Variants in BCKDHB observed in about 807,000 individuals in gnomAD.
BCKDHB encodes 2-oxoisovalerate dehydrogenase subunit beta, mitochondrial.
In BCKDHB, 41 loss-of-function variants were observed where a neutral mutation model predicts 48.5. That is an observed-to-expected ratio of 0.85 (90% CI 0.66 to 1.10). The LOEUF (loss-of-function observed/expected upper bound fraction) is 1.10, where lower values mean the gene tolerates loss of function less well. Ranked by LOEUF, BCKDHB falls within the 50% of genes least tolerant of loss-of-function variation. The probability of loss-of-function intolerance (pLI) is 0.00; values close to 1 mark genes in which losing one functional copy is unlikely to be tolerated. For missense variants in BCKDHB, 496 were observed against 494.2 expected, an observed-to-expected ratio of 1.00 and a Z score of -0.03; for synonymous variants, 201 against 174.8, an observed-to-expected ratio of 1.15 and a Z score of -1.18.
intron 9 of BCKDHB, among the ~76,000 whole-genome samples, chr6:80,294,181 G>C (rs187439323): frequency 1.1e-4 from 16 of 152,098 alleles, no homozygotes; most frequent in African/African-American, 3.6e-4. Context: ...CTGGAGCTGC[G>C]GCAGAGGAAC....
the BCKDHB span, among the ~76,000 whole-genome samples, chr6:80,401,113 A>G: frequency 6.8e-6 from 1 of 147,080 alleles, no homozygotes. Flanking sequence ...GTCAATGGAT[A>G]CTAGAATTAG....
At chr6:80,194,702 A>G (rs1200756395) in intron 6 of BCKDHB, among the ~76,000 whole-genome samples, 2 of 152,218 alleles carry the variant, frequency 1.3e-5, no homozygotes, top group Non-Finnish European at 2.9e-5. Context: ...TCAGTGCATC[A>G]TATGAGATGA....
intron 8 of BCKDHB, among the ~76,000 whole-genome samples, chr6:80,249,083 A>G (rs1261357811): frequency 6.6e-6 from 1 of 151,896 alleles, no homozygotes; most frequent in African/African-American, 2.4e-5. Context: ...ATGAATTTAT[A>G]GTTTGTTTAT....
At position 80,283,981 on chromosome 6, in the gene BCKDHB, G is replaced by A. The variant is rs116602199; in HGVS notation, c.1038+10760G>A. ...AAGAAATGTTAGCCATGTTTTGTCA[G>A]CATTGTATTCACAATCAGTAACAGG... On this transcript the variant is annotated intron_variant, in intron 9 of 9. Coordinates refer to ENST00000320393, the MANE Select transcript of BCKDHB (RefSeq NM_183050.4). Among the ~76,000 whole-genome samples the A allele has an allele frequency of 2.9e-3, 449 of 152,214 alleles. 1 individual carries two copies. The highest frequency in any genetic ancestry group is 0.01 in the African/African-American group (434 of 41,546).
At chr6:80,159,391 T>G (rs904398754) in intron 3 of BCKDHB, among the ~76,000 whole-genome samples, 2 of 152,212 alleles carry the variant, frequency 1.3e-5, no homozygotes, top group African/African-American at 4.8e-5. Flanking sequence ...TTATTTTTAG[T>G]AACTCCTCAC....
the BCKDHB span, among the ~76,000 whole-genome samples, chr6:80,395,266 G>T: frequency 6.6e-6 from 1 of 152,140 alleles, no homozygotes; most frequent in Non-Finnish European, 1.5e-5. Flanking sequence ...AAAGTTTGGA[G>T]CTTCCTAAAG....
intron 7 of BCKDHB, among the ~76,000 whole-genome samples, chr6:80,201,915 C>T (rs1320320379): frequency 2.6e-5 from 4 of 152,114 alleles, no homozygotes; most frequent in African/African-American, 9.7e-5. Context: ...ATCACAAGCT[C>T]CTACTCTCCT....
chr6:80,452,602 A>G, the BCKDHB span, among the ~76,000 whole-genome samples: 1 of 152,328 alleles, frequency 6.6e-6, no homozygotes, highest in Middle Eastern at 3.4e-3. Flanking sequence ...TGTGTGTGTG[A>G]CAGTTTAACT....
intron 9 of BCKDHB, among the ~76,000 whole-genome samples, chr6:80,301,408 A>C (rs983265543): frequency 6.6e-6 from 1 of 152,176 alleles, no homozygotes; most frequent in Non-Finnish European, 1.5e-5. Flanking sequence ...AATTCTGTGC[A>C]CACAAACTAG....
chr6:80,436,147 CTTTT>C, the BCKDHB span, among the ~76,000 whole-genome samples: 1,275 of 70,100 alleles, frequency 0.018, 10 homozygotes, highest in African/African-American at 0.057. Flanking sequence ...AAATTCTTTT[CTTTT>C]TTTTTTTTTT....
chr6:80,433,510 C>T, the BCKDHB span, among the ~76,000 whole-genome samples: 4 of 152,298 alleles, frequency 2.6e-5, no homozygotes, highest in East Asian at 1.9e-4. Flanking sequence ...CCCCTCCCCG[C>T]GCCAAGCTTA....
chr6:80,384,505 C>T, the BCKDHB span, among the ~76,000 whole-genome samples: 1 of 151,978 alleles, frequency 6.6e-6, no homozygotes, highest in Non-Finnish European at 1.5e-5. Context: ...ACTACAGGCC[C>T]CTGCCACAAT....
chr6:80,175,600 C>T (rs1451727839), intron 6 of BCKDHB, among the ~76,000 whole-genome samples: 1 of 152,064 alleles, frequency 6.6e-6, no homozygotes, highest in Non-Finnish European at 1.5e-5. Flanking sequence ...ATTGCAGTGC[C>T]CTTTAAACGA....
chr6:80,125,721 A>G (rs1220978739), intron 1 of BCKDHB, among the ~76,000 whole-genome samples: 1 of 152,156 alleles, frequency 6.6e-6, no homozygotes, highest in Non-Finnish European at 1.5e-5. Flanking sequence ...AACACATACA[A>G]CATTTATTGA....
At chr6:80,307,933 C>G in intron 9 of BCKDHB, 9 of 967,718 alleles carry the variant, frequency 9.3e-6, no homozygotes, top group Non-Finnish European at 1.1e-5. Context: ...GGCTACTTTA[C>G]ATTTTATTCA....
At chr6:80,334,656 AATTTTAGTAAAAACATTG>A (rs1769480049) in intron 9 of BCKDHB, among the ~76,000 whole-genome samples, 1 of 151,490 alleles carries the variant, frequency 6.6e-6, no homozygotes, top group Non-Finnish European at 1.5e-5. Context: ...AAAAAAGTTT[AATTTTAGTAAAAACATTG>A]GTACATCTCT....
chr6:80,337,300 C>A (rs140327461), intron 9 of BCKDHB, among the ~76,000 whole-genome samples: 7 of 152,196 alleles, frequency 4.6e-5, no homozygotes, highest in Admixed American at 2.6e-4. Context: ...TGTGAGTTCA[C>A]GGACTTCAAA....
chr6:80,438,862 G>A, the BCKDHB span, among the ~76,000 whole-genome samples: 11,898 of 152,234 alleles, frequency 0.078, 598 homozygotes, highest in Non-Finnish European at 0.11. Context: ...GCAGAAATGA[G>A]TGTCTTTCTT....
chr6:80,258,472 C>G (rs112076948), intron 8 of BCKDHB, among the ~76,000 whole-genome samples: 35 of 152,244 alleles, frequency 2.3e-4, no homozygotes, highest in African/African-American at 8.0e-4. Context: ...CTTTTCATCA[C>G]TGGCCTGTAG....
Sources: gnomAD v4.1 joint callset for allele counts (sites outside exome capture counted in the v4.1 genomes callset) on GRCh38, gnomAD v4.1.1 for gene constraint, MANE v1.5 for transcripts, NCBI Gene and HGNC (gene_info 2026-07-23, HGNC 2026-07-21) for gene names.